The following ZDHHC21 variants were observed in gnomAD, a reference collection of about 807,000 sequenced individuals.
ZDHHC21 encodes zDHHC palmitoyltransferase 21, also known as palmitoyltransferase ZDHHC21.
Under a neutral mutation model 34.6 loss-of-function variants are expected in ZDHHC21, and 15 were observed. The observed-to-expected ratio is 0.43, with a 90% CI of 0.29 to 0.67. The LOEUF (loss-of-function observed/expected upper bound fraction) is 0.67, where lower values mean the gene tolerates loss of function less well. Among genes scored for constraint, ZDHHC21 ranks in the 30% least tolerant of loss-of-function variants. The pLI is 0.14. For missense variants in ZDHHC21, 344 were observed against 327.7 expected, an observed-to-expected ratio of 1.05 and a Z score of -0.38; for synonymous variants, 142 against 101.8, an observed-to-expected ratio of 1.40 and a Z score of -2.38.
chr9:14,649,251 GT>G (rs1240613625), intron 7 of ZDHHC21, among the ~76,000 whole-genome samples: 1 of 151,942 alleles, frequency 6.6e-6, no homozygotes, highest in African/African-American at 2.4e-5. Context: ...CCTGGAGACA[GT>G]AAAAATCATA....
chr9:14,604,104 A>C, the ZDHHC21 span, among the ~76,000 whole-genome samples: 12 of 152,302 alleles, frequency 7.9e-5, no homozygotes, highest in Non-Finnish European at 1.5e-4. Context: ...GGAAAAACTC[A>C]TTACATAGGG....
intron 1 of ZDHHC21, among the ~76,000 whole-genome samples, chr9:14,691,348 G>C (rs1424650001): frequency 6.6e-6 from 1 of 152,168 alleles, no homozygotes; most frequent in Non-Finnish European, 1.5e-5. Context: ...ACTATAACAG[G>C]TCCCTGGATT....
chr9:14,642,568 G>A (rs904057662), intron 7 of ZDHHC21, among the ~76,000 whole-genome samples: 1 of 152,244 alleles, frequency 6.6e-6, no homozygotes, highest in South Asian at 2.1e-4. Flanking sequence ...AGGCCCTTAG[G>A]GTGGGCACTA....
At chr9:14,621,362 T>C (rs1303600542) in intron 8 of ZDHHC21, among the ~76,000 whole-genome samples, 4 of 152,104 alleles carry the variant, frequency 2.6e-5, no homozygotes, top group Non-Finnish European at 5.9e-5. Context: ...TTGTTTATAA[T>C]CCTGAAGGAT....
intron 6 of ZDHHC21, among the ~76,000 whole-genome samples, chr9:14,660,240 C>G (rs973517186): frequency 2.0e-5 from 3 of 151,928 alleles, no homozygotes; most frequent in African/African-American, 7.2e-5. Flanking sequence ...GTGGCATGCA[C>G]TTGTAATCCC....
downstream of ZDHHC21, among the ~76,000 whole-genome samples, chr9:14,608,195 G>C (rs1452782724): frequency 1.3e-5 from 2 of 152,152 alleles, no homozygotes; most frequent in Non-Finnish European, 2.9e-5. Context: ...TCATTAACTT[G>C]TTGGTCCTGA....
chr9:14,657,463 T>C (rs1033302602), intron 7 of ZDHHC21, among the ~76,000 whole-genome samples: 2 of 151,986 alleles, frequency 1.3e-5, no homozygotes, highest in African/African-American at 2.4e-5. Context: ...CCTAGGTATG[T>C]CTGTTTACAA....
chr9:14,596,417 GC>G, the ZDHHC21 span, among the ~76,000 whole-genome samples: 1 of 152,206 alleles, frequency 6.6e-6, no homozygotes, highest in African/African-American at 2.4e-5. Flanking sequence ...GATGGGTATG[GC>G]TACCTGGAAA....
downstream of ZDHHC21, among the ~76,000 whole-genome samples, chr9:14,607,711 A>G (rs1013781699): frequency 2.6e-5 from 4 of 152,190 alleles, no homozygotes; most frequent in African/African-American, 9.7e-5. Flanking sequence ...TCATGTTTAC[A>G]TAAAGTATAA....
intron 2 of ZDHHC21, among the ~76,000 whole-genome samples, chr9:14,685,520 G>A (rs552821214): frequency 6.6e-6 from 1 of 152,186 alleles, no homozygotes; most frequent in South Asian, 2.1e-4. Context: ...TCTCACACCA[G>A]TTAGAATGGC....
chr9:14,654,133 G>A (rs7852343), intron 7 of ZDHHC21, among the ~76,000 whole-genome samples: 3,882 of 152,066 alleles, frequency 0.026, 178 homozygotes, highest in African/African-American at 0.088. Context: ...AACAGTAACT[G>A]TAGGGCACAA....
At chr9:14,664,672 T>G (rs965984896) in intron 5 of ZDHHC21, among the ~76,000 whole-genome samples, 1 of 151,848 alleles carries the variant, frequency 6.6e-6, no homozygotes, top group African/African-American at 2.4e-5. Context: ...ACTGGCAGAC[T>G]GCCTCCTCAA....
In ZDHHC21 at chr9:14,616,570, G is replaced by A. The variant is rs1028047808; in HGVS notation, c.*2396C>T. Reference sequence around the variant, plus strand: ...GTATAATTACATCAATTAGCCAAAAGAGGGCGCAGAAACAACACCAGTAGA... The same window carrying A: ...GTATAATTACATCAATTAGCCAAAAAAGGGCGCAGAAACAACACCAGTAGA... On this transcript the variant is annotated 3_prime_UTR_variant, in exon 10 of 10. Coordinates refer to ENST00000380916, the MANE Select transcript of ZDHHC21 (RefSeq NM_178566.6). 6.6e-6 allele frequency: 1 copy of A among 151,728 alleles called. No individual in the cohort carries two copies. The highest frequency in any genetic ancestry group is 2.4e-5 in the African/African-American group (1 of 41,404). 9.4% of individuals were successfully genotyped at this position (151,728 alleles called of 1,614,324 possible). A position where few individuals can be genotyped will look rare whatever the true frequency, so the allele number is the denominator to read the frequency against.
chr9:14,597,603 T>C, the ZDHHC21 span, among the ~76,000 whole-genome samples: 6 of 151,998 alleles, frequency 3.9e-5, no homozygotes, highest in African/African-American at 1.2e-4. Context: ...TGAGGACAGG[T>C]CTGCCCCAGC....
chr9:14,637,229 A>C (rs1467771841), intron 8 of ZDHHC21, among the ~76,000 whole-genome samples: 1 of 152,042 alleles, frequency 6.6e-6, no homozygotes, highest in Non-Finnish European at 1.5e-5. Context: ...TACAGCTGAT[A>C]CCATTGAAAT....
At position 14,658,464 on chromosome 9, in the gene ZDHHC21, C is replaced by CTTTTTTT. The variant is rs769819264; in HGVS notation, c.504+278_504+284dup. ...CTAATGTTAGTGGATATAAACATTT[C>CTTTTTTT]TTTTTTTTTTTTTTTTTTTTTTTTT... On this transcript the variant is annotated intron_variant, in intron 7 of 9. Transcript: ENST00000380916. Among the ~76,000 whole-genome samples the CTTTTTTT allele has an allele frequency of 2.0e-3, 132 of 65,390 alleles. 42 individuals are homozygous for CTTTTTTT. The highest frequency in any genetic ancestry group is 3.4e-3 in the African/African-American group (54 of 16,080). 42.9% of individuals were successfully genotyped at this position (65,390 alleles called of 152,430 possible). A position where few individuals can be genotyped will look rare whatever the true frequency, so the allele number is the denominator to read the frequency against.
At chr9:14,635,994 G>T (rs1828243001) in intron 8 of ZDHHC21, among the ~76,000 whole-genome samples, 1 of 152,042 alleles carries the variant, frequency 6.6e-6, no homozygotes, top group African/African-American at 2.4e-5. Flanking sequence ...AAAAAGAAAA[G>T]TACAAAGCAT....
chr9:14,672,102 T>C (rs1055455506), intron 5 of ZDHHC21, among the ~76,000 whole-genome samples: 5 of 152,240 alleles, frequency 3.3e-5, no homozygotes, highest in South Asian at 2.1e-4. Flanking sequence ...ACTGAAGTCA[T>C]TGTGTTTTAA....
rs555384914 is a variant in ZDHHC21 at position 14,641,669 on chromosome 9, C to T, written c.505-1657G>A. 2.6e-3 allele frequency among the ~76,000 whole-genome samples: 389 copies of T among 152,288 alleles called. 3 individuals are homozygous for T. Among genetic ancestry groups the T allele is most frequent in the African/African-American group, 9.0e-3 (376 of 41,558 alleles). On this transcript the variant is annotated intron_variant, in intron 7 of 9. Coordinates refer to ENST00000380916, the MANE Select transcript of ZDHHC21 (RefSeq NM_178566.6). ...CCCACAACTAGTATTACAACTTTCC[C>T]TCCAATTTCACAGACCCTCCCTTCC...
Sources: gnomAD v4.1 joint callset for allele counts (sites outside exome capture counted in the v4.1 genomes callset) on GRCh38, gnomAD v4.1.1 for gene constraint, MANE v1.5 for transcripts, NCBI Gene and HGNC (gene_info 2026-07-23, HGNC 2026-07-21) for gene names.